Variants in SLC22A7 observed in about 807,000 individuals in gnomAD.
The protein encoded by SLC22A7 is solute carrier family 22 member 7.
Under a neutral mutation model 62.2 loss-of-function variants are expected in SLC22A7, and 48 were observed. The observed-to-expected ratio is 0.77, with a 90% CI of 0.61 to 0.98. The LOEUF (loss-of-function observed/expected upper bound fraction) is 0.98, where lower values mean the gene tolerates loss of function less well. Among genes scored for constraint, SLC22A7 ranks in the 50% least tolerant of loss-of-function variants. SLC22A7 has a pLI of 0.00. For synonymous variants in SLC22A7, 276 were observed against 314.8 expected (o/e 0.88, Z 1.30); for missense variants, 581 against 703.8 (o/e 0.83, Z 1.97).
Position 43,298,316 on chromosome 6 carries a change from A to T in SLC22A7, c.-43A>T, listed in dbSNP as rs921519180. 3 of 1,545,592 alleles carry T rather than the reference A, an allele frequency of 1.9e-6. No homozygotes were observed. The highest frequency in any genetic ancestry group is 2.7e-5 in the African/African-American group (2 of 74,090). Reference sequence around the variant, plus strand: ...GGTGGGCAGTTTGAGCTGGCTGGATACTAGAGGGAGGCTGCACCTGAAGCA... The same window carrying T: ...GGTGGGCAGTTTGAGCTGGCTGGATTCTAGAGGGAGGCTGCACCTGAAGCA... On this transcript the variant is annotated 5_prime_UTR_variant, in exon 1 of 11. Transcript: ENST00000372585.
Position 43,304,044 on chromosome 6 carries a change from A to T in SLC22A7, c.1392A>T (p.Thr464=). Residue 464 remains threonine (T), a synonymous_variant, in exon 10 of 11, where the codon ACA becomes ACT. Coordinates refer to ENST00000372585, the MANE Select transcript of SLC22A7 (RefSeq NM_153320.2). ...SELYPTVLRQ[T]GMGLTALVGR... is the part of the protein sequence containing the mutation. ...ATCCTCTTTCTCTGAACAGACAGAC[A>T]GGGATGGGGCTGACTGCACTGGTGG... 2 of 1,541,290 alleles carry T rather than the reference A, an allele frequency of 1.3e-6. No homozygotes were observed. Among genetic ancestry groups the T allele is most frequent in the Non-Finnish European group, 1.8e-6 (2 of 1,140,060 alleles).
At position 43,302,894 on chromosome 6, in the gene SLC22A7, A is replaced by T; in HGVS notation, c.1385+131A>T. ...TTTTTAATTTTAATTTTTGGTAGAG[A>T]CGGGGTCTTGCTATATTACCCAGAC... is the stretch of plus-strand genomic sequence containing the variant. On this transcript the variant is annotated intron_variant, in intron 9 of 10. Transcript: ENST00000372585. The surrounding 1 kb of genome is among the most constrained non-coding windows in gnomAD (Gnocchi z 5.0). 1.4e-6 allele frequency: 1 copy of T among 699,380 alleles called. No homozygotes were observed. Among genetic ancestry groups the T allele is most frequent in the Non-Finnish European group, 2.4e-6 (1 of 423,362 alleles). The allele number at this position is 699,380 out of a possible 1,614,324, so 43.3% of individuals were successfully genotyped here. A position where few individuals can be genotyped will look rare whatever the true frequency, so the allele number is the denominator to read the frequency against.
upstream of SLC22A7, among the ~76,000 whole-genome samples, chr6:43,297,766 T>C (rs1778592595): frequency 6.6e-6 from 1 of 152,088 alleles, no homozygotes; most frequent in Admixed American, 6.5e-5. Flanking sequence ...ATCACAGGTG[T>C]GTCTTAGGCC....
Position 43,299,403 on chromosome 6 carries a change from G to GT in SLC22A7, c.414dup (p.Glu139Ter). The GT allele has an allele frequency of 6.2e-7, 1 of 1,614,218 alleles. No homozygotes were observed. The highest frequency in any genetic ancestry group is 8.5e-7 in the Non-Finnish European group (1 of 1,180,032). On this transcript the variant is annotated frameshift_variant, in exon 3 of 11. Transcript: ENST00000372585. LOFTEE classifies it high-confidence loss of function. This position sits in a 1 kb window ranked among gnomAD's most constrained non-coding sequence, Gnocchi z 4.4. ...CTGTCCTTGCAGTGGGATCTGGTGT[G>GT]TGAGCAGAAAGGTCTGAACAGAGCT...
rs369939452 is a variant in SLC22A7, at chr6:43,301,662, G to A, written c.1031G>A (p.Arg344Gln). Residue 344 changes from arginine to glutamine, a missense_variant, in exon 7 of 11, where the codon CGA (arginine) becomes CAA (glutamine). By Grantham distance (43) the Arg-to-Gln change is conservative. Coordinates refer to ENST00000372585, the MANE Select transcript of SLC22A7 (RefSeq NM_153320.2). ...GACCTGTTCCGCACACCACGGCTCC[G>A]ACACATCTCACTGTGCTGCGTGGTG... ...YLDLFRTPRL[R>Q]HISLCCVVVW... 1.3e-4 allele frequency: 203 copies of A among 1,613,572 alleles called. No individual in the cohort carries two copies. The highest frequency in any genetic ancestry group is 9.9e-4 in the Middle Eastern group (6 of 6,054).
In SLC22A7 at chr6:43,299,890, T is replaced by C. The variant is rs368763855; in HGVS notation, c.659-8T>C. 163 of 1,614,058 alleles carry C rather than the reference T, an allele frequency of 1.0e-4. No individual in the cohort carries two copies. The African/African-American group carries it at 1.9e-3, about 19-fold the overall frequency. ...CTAACCATCTTCCTGTCTCCTGTCCTGGCCCAGAGCTGGAGTGGCTGGATG... is the reference window on the plus strand; with the variant it reads ...CTAACCATCTTCCTGTCTCCTGTCCCGGCCCAGAGCTGGAGTGGCTGGATG... On this transcript the variant is annotated splice_region_variant and splice_polypyrimidine_tract_variant and intron_variant, in intron 4 of 10. Coordinates refer to ENST00000372585, the MANE Select transcript of SLC22A7 (RefSeq NM_153320.2). This position sits in a 1 kb window ranked among gnomAD's most constrained non-coding sequence, Gnocchi z 4.4.
Position 43,299,961 on chromosome 6 carries a change from CA to C in SLC22A7, c.723del (p.Gly243AlafsTer2). The C allele has an allele frequency of 6.2e-7, 1 of 1,614,152 alleles. No homozygotes were observed. The highest frequency in any genetic ancestry group is 8.5e-7 in the Non-Finnish European group (1 of 1,180,034). On this transcript the variant is annotated frameshift_variant, in exon 5 of 11. Transcript: ENST00000372585. LOFTEE classifies it high-confidence loss of function. The surrounding 1 kb of genome is among the most constrained non-coding windows in gnomAD (Gnocchi z 4.4). The stretch of plus-strand genomic sequence containing the variant: ...GGAGTCCTGAGCAGCACCTTCTGGA[CA>C]GGGGGCGTGATGCTGCTGGCACTGG... ...VAGVLSSTFW[T>X]GGVMLLALVG...
In SLC22A7 at chr6:43,302,130, CT is replaced by C. The variant is rs1778773674; in HGVS notation, c.1062-68del. 7.2e-7 allele frequency: 1 copy of C among 1,383,574 alleles called. No individual in the cohort carries two copies. Among genetic ancestry groups the C allele is most frequent in the South Asian group, 1.4e-5 (1 of 72,674 alleles). 85.7% of individuals were successfully genotyped at this position (1,383,574 alleles called of 1,614,324 possible). On this transcript the variant is annotated intron_variant, in intron 7 of 10. Coordinates refer to ENST00000372585, the MANE Select transcript of SLC22A7 (RefSeq NM_153320.2). The surrounding 1 kb of genome is among the most constrained non-coding windows in gnomAD (Gnocchi z 5.0). ...AGATTGCCCTTGTAAAATGCCAAGT[CT>C]TCCTGAGAAGAGAGGCCAAAGAGGG...
At position 43,304,823 on chromosome 6, in the gene SLC22A7, C is replaced by CT; in HGVS notation, c.*99dup. ...ACTCAGGCTGGGAGTATCGAACCCTCTGCCTAGGGCCGGAGTTGCTGCCAG... is the reference window on the plus strand; with the variant it reads ...ACTCAGGCTGGGAGTATCGAACCCTCTTGCCTAGGGCCGGAGTTGCTGCCAG... On this transcript the variant is annotated 3_prime_UTR_variant, in exon 11 of 11. Coordinates refer to ENST00000372585, the MANE Select transcript of SLC22A7 (RefSeq NM_153320.2). 1 of 964,634 alleles carries CT rather than the reference C, an allele frequency of 1.0e-6. No individual in the cohort carries two copies. Among genetic ancestry groups the CT allele is most frequent in the Non-Finnish European group, 1.5e-6 (1 of 667,696 alleles). The allele number at this position is 964,634 out of a possible 1,614,324, so 59.8% of individuals were successfully genotyped here.
chr6:43,304,615 G>C, intron 10 of SLC22A7, 56 bp from the exon 11 acceptor site: 1 of 1,516,432 alleles, frequency 6.6e-7, no homozygotes, highest in Non-Finnish European at 9.1e-7. Flanking sequence ...GGGCAGGCTG[G>C]GGTGGTAGGC....
upstream of SLC22A7, among the ~76,000 whole-genome samples, chr6:43,297,626 TAATTTAGG>T (rs992341501): frequency 1.4e-4 from 22 of 151,922 alleles, no homozygotes; most frequent in African/African-American, 5.1e-4. Flanking sequence ...CTCCAAAAGG[TAATTTAGG>T]AAGCTGCTGG....
chr6:43,304,626 TC>T lies in SLC22A7; in HGVS notation c.1593-44del. 2.5e-6 allele frequency: 4 copies of T among 1,570,242 alleles called. No homozygotes were observed. The African/African-American group carries it at 5.4e-5, about 21-fold the overall frequency. The stretch of plus-strand genomic sequence containing the variant: ...GATGGGGCAGGCTGGGGTGGTAGGC[TC>T]GGGGATTAAACCCCACCATTGCTCA... On this transcript the variant is annotated intron_variant, in intron 10 of 10. Transcript: ENST00000372585.
In SLC22A7 at chr6:43,299,264, C is replaced by A. The variant is rs1219797672; in HGVS notation, c.400-126C>A. ...CGTGAATCGTTGGGAGGTTTATTAT[C>A]TGGCATGGAGGTACCAGAATGGCAG... is the stretch of plus-strand genomic sequence containing the variant. On this transcript the variant is annotated intron_variant, in intron 2 of 10. Transcript: ENST00000372585. This position sits in a 1 kb window ranked among gnomAD's most constrained non-coding sequence, Gnocchi z 4.4. 3.7e-6 allele frequency: 6 copies of A among 1,604,282 alleles called. No individual in the cohort carries two copies. Among genetic ancestry groups the A allele is most frequent in the Middle Eastern group, 1.7e-4 (1 of 6,054 alleles).
chr6:43,298,241 C>T (rs952282449), upstream of SLC22A7: 81 of 905,944 alleles, frequency 8.9e-5, no homozygotes, highest in Non-Finnish European at 1.2e-4. Flanking sequence ...ATTCTGGCTG[C>T]AGGCTCTCCA....
rs144441599 is a variant in SLC22A7 at position 43,298,514 on chromosome 6, G to A, written c.156G>A (p.Pro52=). The A allele has an allele frequency of 3.2e-4, 524 of 1,613,492 alleles. 9 individuals carry two copies. The South Asian group carries it at 4.5e-3, about 14-fold the overall frequency. Residue 52 remains proline, a synonymous_variant, in exon 1 of 11, where the codon CCG becomes CCA. Coordinates refer to ENST00000372585, the MANE Select transcript of SLC22A7 (RefSeq NM_153320.2). ...AAVPAHRCAL[P]GAPANFSHQD... is the part of the protein sequence containing the mutation. Reference sequence around the variant, plus strand: ...TGCCTGCCCACCGATGTGCCCTGCCGGGTGCCCCTGCCAACTTCAGCCATC... The same window carrying A: ...TGCCTGCCCACCGATGTGCCCTGCCAGGTGCCCCTGCCAACTTCAGCCATC...
rs201403046 is a variant in SLC22A7 at position 43,304,156 on chromosome 6, G to A, written c.1504G>A (p.Ala502Thr). 1.1e-4 allele frequency: 177 copies of A among 1,603,860 alleles called. No individual in the cohort carries two copies. Among genetic ancestry groups the A allele is most frequent in the Non-Finnish European group, 1.4e-4 (161 of 1,173,672 alleles). Residue 502 changes from alanine (A) to threonine (T), a missense_variant, in exon 10 of 11, where the codon GCC becomes ACC. Ala to Thr is a moderately conservative substitution (Grantham distance 58). Transcript: ENST00000372585. ...GCCCAAGCTTACTTATGGGGGGATC[G>A]CCCTGCTGGCTGCCGGCACCGCCCT... ...SLPKLTYGGI[A>T]LLAAGTALLL...
In SLC22A7 at chr6:43,298,682, T is replaced by C. The variant is rs1778624181; in HGVS notation, c.324T>C (p.Pro108=). The C allele has an allele frequency of 5.8e-6, 9 of 1,555,880 alleles. No homozygotes were observed. The highest frequency in any genetic ancestry group is 7.8e-6 in the Non-Finnish European group (9 of 1,149,082). ...RQSRGELEDE[P]ATVPCSQGWE... is the part of the protein sequence containing the mutation. Reference sequence around the variant, plus strand: ...GCCGTGGGGAGCTGGAGGATGAACCTGCCACAGTGCCCTGCTCTCAGGGCT... The same window carrying C: ...GCCGTGGGGAGCTGGAGGATGAACCCGCCACAGTGCCCTGCTCTCAGGGCT... Residue 108 remains proline, a synonymous_variant, in exon 1 of 11, where the codon CCT becomes CCC. Transcript: ENST00000372585.
At position 43,302,822 on chromosome 6, in the gene SLC22A7, A is replaced by C; in HGVS notation, c.1385+59A>C. The C allele has an allele frequency of 8.7e-7, 1 of 1,147,264 alleles. No individual in the cohort carries two copies. Among genetic ancestry groups the C allele is most frequent in the Non-Finnish European group, 1.3e-6 (1 of 773,120 alleles). The allele number at this position is 1,147,264 out of a possible 1,614,324, so 71.1% of individuals were successfully genotyped here. On this transcript the variant is annotated intron_variant, in intron 9 of 10. Coordinates refer to ENST00000372585, the MANE Select transcript of SLC22A7 (RefSeq NM_153320.2). The surrounding 1 kb of genome is among the most constrained non-coding windows in gnomAD (Gnocchi z 5.0). ...GGCTTGTTAGTCACGTGTCTTAACC[A>C]ACACTTCTACATACACGCACCACAA...
chr6:43,300,625 A>T (rs2150731910), intron 5 of SLC22A7, among the ~76,000 whole-genome samples: 1 of 152,090 alleles, frequency 6.6e-6, no homozygotes, highest in Admixed American at 6.5e-5. Flanking sequence ...GTGTGGGAAG[A>T]GGTGTTTTAT....
Sources: gnomAD v4.1 joint callset for allele counts (sites outside exome capture counted in the v4.1 genomes callset) on GRCh38, gnomAD v4.1.1 for gene constraint, Gnocchi (gnomAD v3.1) non-coding constraint, MANE v1.5 for transcripts, NCBI Gene and HGNC (gene_info 2026-07-23, HGNC 2026-07-21) for gene names.